DNAJC11: variants seen among roughly 807,000 people sequenced by gnomAD.
DNAJC11 encodes the protein dnaJ homolog subfamily C member 11.
Under a neutral mutation model 78.6 loss-of-function variants are expected in DNAJC11, and 15 were observed. That is an observed-to-expected ratio of 0.19 (90% CI 0.13 to 0.29). The LOEUF (loss-of-function observed/expected upper bound fraction) is 0.29, where lower values mean the gene tolerates loss of function less well. Among genes scored for constraint, DNAJC11 ranks in the 10% least tolerant of loss-of-function variants. The pLI is 1.00. For synonymous variants in DNAJC11, 292 were observed against 272.1 expected, an observed-to-expected ratio of 1.07 and a Z score of -0.72; for missense variants, 547 against 709.6, an observed-to-expected ratio of 0.77 and a Z score of 2.60.
intron 1 of DNAJC11, among the ~76,000 whole-genome samples, chr1:6,684,367 C>T (rs530056557): frequency 4.6e-5 from 7 of 152,372 alleles, no homozygotes; most frequent in Non-Finnish European, 7.3e-5. Context: ...CAGGCGTGAG[C>T]CACTGCACCC....
Position 6,635,025 on chromosome 1 carries a change from C to T in DNAJC11, c.*650G>A, listed in dbSNP as rs1009068678. The T allele has an allele frequency of 1.4e-5, 6 of 415,038 alleles. No homozygotes were observed. The highest frequency in any genetic ancestry group is 6.2e-5 in the African/African-American group (3 of 48,460). 25.7% of individuals were successfully genotyped at this position (415,038 alleles called of 1,614,324 possible). ...GGCTAGGCCCTGGGATCGGGAGTTA[C>T]ACTACCCTGTCCCAAGCCGAGGGGG... On this transcript the variant is annotated 3_prime_UTR_variant, in exon 16 of 16. Transcript: ENST00000377577.
chr1:6,635,994 G>C, intron 15 of DNAJC11, 123 bp downstream of exon 15: 2 of 1,363,206 alleles, frequency 1.5e-6, no homozygotes, highest in South Asian at 3.0e-5. Flanking sequence ...GGGCTAGTTG[G>C]CGTCTCTGCT....
chr1:6,634,526 T>C lies in DNAJC11; in HGVS notation c.*1149A>G. On this transcript the variant is annotated 3_prime_UTR_variant, in exon 16 of 16. Coordinates refer to ENST00000377577, the MANE Select transcript of DNAJC11 (RefSeq NM_018198.4). ...CTTGGGGCCCCCCGCGCCAGCTGTC[T>C]CAGCCACCACCTGTGCGGCGCTTGC... The C allele has an allele frequency of 7.3e-7, 1 of 1,361,488 alleles. No homozygotes were observed. Among genetic ancestry groups the C allele is most frequent in the Non-Finnish European group, 9.8e-7 (1 of 1,020,096 alleles). The allele number at this position is 1,361,488 out of a possible 1,614,324, so 84.3% of individuals were successfully genotyped here.
At chr1:6,638,220 G>T (rs1641816581) in intron 12 of DNAJC11, 75 bp downstream of exon 12, 15 of 1,457,532 alleles carry the variant, frequency 1.0e-5, no homozygotes, top group Non-Finnish European at 1.1e-5. Flanking sequence ...GACCTCTAAG[G>T]CCCTGAGACC....
At chr1:6,654,139 A>AT (rs1642094918) in intron 4 of DNAJC11, 100 bp from the exon 5 acceptor site, 1 of 1,462,598 alleles carries the variant, frequency 6.8e-7, no homozygotes, top group African/African-American at 1.4e-5. Flanking sequence ...TGAACAAGTC[A>AT]TTTGACTTCA....
chr1:6,681,924 A>G (rs1224760779), intron 1 of DNAJC11, among the ~76,000 whole-genome samples: 2 of 152,136 alleles, frequency 1.3e-5, no homozygotes, highest in African/African-American at 4.8e-5. Flanking sequence ...ACCCTTTGGT[A>G]TATCAGTTAA....
chr1:6,651,680 T>G, intron 6 of DNAJC11, 78 bp from the exon 7 acceptor site: 2 of 1,056,776 alleles, frequency 1.9e-6, no homozygotes, highest in Non-Finnish European at 2.9e-6. Flanking sequence ...TATGTACCTC[T>G]AGGTATAATT....
In DNAJC11 at chr1:6,645,879, G is replaced by T. The variant is rs1641956936; in HGVS notation, c.804C>A (p.Gly268=). The change falls in exon 8 of 16, where the codon GGC becomes GGA. Residue 268 remains glycine, a synonymous_variant. Coordinates refer to ENST00000377577, the MANE Select transcript of DNAJC11 (RefSeq NM_018198.4). The surrounding 1 kb of genome is among the most constrained non-coding windows in gnomAD (Gnocchi z 4.1). ...GGATACCCCATCGCCACTGCAGGTA[G>T]CCCACGGTGTTCTTGTCTAGGTTCC... ...LARNLDKNTV[G]YLQWRWGIQS... is the part of the protein sequence containing the mutation. 1 of 1,614,208 alleles carries T rather than the reference G, an allele frequency of 6.2e-7. No individual in the cohort carries two copies. The highest frequency in any genetic ancestry group is 1.1e-5 in the South Asian group (1 of 91,082).
chr1:6,684,699 G>A (rs1642610569), intron 1 of DNAJC11, among the ~76,000 whole-genome samples: 1 of 152,140 alleles, frequency 6.6e-6, no homozygotes, highest in Non-Finnish European at 1.5e-5. Context: ...TTTCATAAAT[G>A]AGAACCTCTT....
chr1:6,639,513 G>A (rs1480616377), intron 11 of DNAJC11, among the ~76,000 whole-genome samples: 1 of 151,570 alleles, frequency 6.6e-6, no homozygotes, highest in East Asian at 1.9e-4. Context: ...TATTTTTTTA[G>A]TAGAGACAGG....
At chr1:6,690,451 A>G (rs1642727218) in intron 1 of DNAJC11, among the ~76,000 whole-genome samples, 1 of 152,160 alleles carries the variant, frequency 6.6e-6, no homozygotes, top group Non-Finnish European at 1.5e-5. Context: ...TGCCCCCCAC[A>G]AAACCTGCTA....
intron 1 of DNAJC11, among the ~76,000 whole-genome samples, chr1:6,683,756 G>C (rs1338433297): frequency 2.6e-5 from 4 of 152,148 alleles, no homozygotes; most frequent in African/African-American, 7.2e-5. Flanking sequence ...AGTCCTGCTT[G>C]TGAAAATTCA....
At chr1:6,644,024 C>T (rs1007601023) in intron 10 of DNAJC11, among the ~76,000 whole-genome samples, 2 of 152,192 alleles carry the variant, frequency 1.3e-5, no homozygotes, top group East Asian at 3.9e-4. Flanking sequence ...GCACCCGCCA[C>T]CACCCCTGGC....
chr1:6,671,726 G>C (rs2148743430), intron 3 of DNAJC11, among the ~76,000 whole-genome samples: 1 of 150,524 alleles, frequency 6.6e-6, no homozygotes, highest in Non-Finnish European at 1.5e-5. Context: ...TACAGACTGG[G>C]TTTCACAGTA....
At chr1:6,673,554 A>G (rs576777932) in intron 3 of DNAJC11, among the ~76,000 whole-genome samples, 1 of 152,210 alleles carries the variant, frequency 6.6e-6, no homozygotes, top group Non-Finnish European at 1.5e-5. Flanking sequence ...AAACGCTACA[A>G]CAACAGTACA....
chr1:6,680,955 T>C lies in DNAJC11; in HGVS notation c.155A>G (p.Lys52Arg). ...GTTAAACAGTCGTTCCGCCTGTGAC[T>C]TGAGCTCTGGGTCTCTGTGCTTGTC... ...HPDKHRDPEL[K>R]SQAERLFNLV... is the part of the protein sequence containing the mutation. The change falls in exon 2 of 16, where the codon AAG becomes AGG. Residue 52 changes from lysine (K) to arginine (R), a missense_variant. Physicochemically the swap from Lys to Arg is conservative, Grantham distance 26. Transcript: ENST00000377577. This position sits in a 1 kb window ranked among gnomAD's most constrained non-coding sequence, Gnocchi z 4.0. 1.2e-6 allele frequency: 2 copies of C among 1,614,202 alleles called. No individual in the cohort carries two copies. The highest frequency in any genetic ancestry group is 8.5e-7 in the Non-Finnish European group (1 of 1,180,024).
intron 7 of DNAJC11, among the ~76,000 whole-genome samples, chr1:6,649,029 G>A (rs1201804664): frequency 6.7e-6 from 1 of 149,592 alleles, no homozygotes; most frequent in Admixed American, 6.6e-5. Flanking sequence ...GTCTTGCTCT[G>A]TCGCCTAGGC....
In DNAJC11 at chr1:6,645,093, A is replaced by G. The variant is rs1294551148; in HGVS notation, c.928T>C (p.Tyr310His). Residue 310 changes from tyrosine to histidine, a missense_variant, in exon 9 of 16, where the codon TAT (tyrosine) becomes CAT (histidine). By Grantham distance (83) the Tyr-to-His change is moderately conservative. Coordinates refer to ENST00000377577, the MANE Select transcript of DNAJC11 (RefSeq NM_018198.4). The surrounding 1 kb of genome is among the most constrained non-coding windows in gnomAD (Gnocchi z 4.1). The part of the protein sequence containing the change: ...GIPHSFALIS[Y>H]QHKFQDDDQT... ...TCGTCATCTTGGAATTTGTGCTGAT[A>G]GCTGATCAGTGCAAAGGAGTGAGGG... 1 of 1,613,768 alleles carries G rather than the reference A, an allele frequency of 6.2e-7. No homozygotes were observed. Among genetic ancestry groups the G allele is most frequent in the Non-Finnish European group, 8.5e-7 (1 of 1,179,874 alleles).
At chr1:6,649,868 T>C (rs1429256674) in intron 7 of DNAJC11, among the ~76,000 whole-genome samples, 1 of 151,882 alleles carries the variant, frequency 6.6e-6, no homozygotes, top group Non-Finnish European at 1.5e-5. Context: ...CCACCATGCC[T>C]GGTTAATTTT....
Sources: gnomAD v4.1 joint callset for allele counts (sites outside exome capture counted in the v4.1 genomes callset) on GRCh38, gnomAD v4.1.1 for gene constraint, Gnocchi (gnomAD v3.1) non-coding constraint, MANE v1.5 for transcripts, NCBI Gene and HGNC (gene_info 2026-07-23, HGNC 2026-07-21) for gene names.